The following GPR21 variants were observed in gnomAD, a reference collection of about 807,000 sequenced individuals.
The protein encoded by GPR21 is G protein-coupled receptor 21, also known as probable G protein-coupled receptor 21.
GPR21 carries 9 observed loss-of-function variants against 21.5 expected under a neutral mutation model. The ratio of observed to expected loss-of-function variants is 0.42; its 90% CI spans 0.25 to 0.73. GPR21 has a LOEUF of 0.73. GPR21 is among the 30% of genes least tolerant of loss of function. The pLI is 0.27. For synonymous variants in GPR21, 169 were observed against 159.3 expected (o/e 1.06, Z -0.46); for missense variants, 416 against 428.9 (o/e 0.97, Z 0.27).
At chr9:123,043,734 A>G in the GPR21 span, among the ~76,000 whole-genome samples, 2 of 152,060 alleles carry the variant, frequency 1.3e-5, no homozygotes, top group African/African-American at 4.8e-5. Context: ...CCCAGAAAAT[A>G]GCAACTTAAG....
At position 123,034,923 on chromosome 9, in the gene GPR21, T is replaced by C; in HGVS notation, c.357T>C (p.Ser119=). The C allele has an allele frequency of 6.2e-7, 1 of 1,613,382 alleles. No individual in the cohort carries two copies. The highest frequency in any genetic ancestry group is 8.5e-7 in the Non-Finnish European group (1 of 1,179,324). Reference sequence around the variant, plus strand: ...TTCTGAAGAGCGTCTCCATGGCTTCTCTGGCCTGTATCAGCATTGATAGAT... The same window carrying C: ...TTCTGAAGAGCGTCTCCATGGCTTCCCTGGCCTGTATCAGCATTGATAGAT... ...VSVLKSVSMA[S]LACISIDRYI... is the part of the protein sequence containing the mutation. The change falls in exon 2 of 2, where the codon TCT becomes TCC. Residue 119 remains serine, a synonymous_variant. Transcript: ENST00000616002.
rs1449238478 is a variant in GPR21, at chr9:123,034,460, A to G, written c.-107A>G. 2 of 710,532 alleles carry G rather than the reference A, an allele frequency of 2.8e-6. No individual in the cohort carries two copies. Among genetic ancestry groups the G allele is most frequent in the Non-Finnish European group, 4.9e-6 (2 of 411,812 alleles). The allele number at this position is 710,532 out of a possible 1,614,324, so 44.0% of individuals were successfully genotyped here. A position where few individuals can be genotyped will look rare whatever the true frequency, so the allele number is the denominator to read the frequency against. On this transcript the variant is annotated 5_prime_UTR_variant, in exon 2 of 2. Coordinates refer to ENST00000616002, the MANE Select transcript of GPR21 (RefSeq NM_005294.3). ...GCTTGGGGAGTAAGGCTCCTCTGGC[A>G]TTATTACACACATGCAAAGCTGACC...
chr9:123,042,261 C>G, the GPR21 span, among the ~76,000 whole-genome samples: 3 of 152,238 alleles, frequency 2.0e-5, no homozygotes, highest in Admixed American at 6.5e-5. Flanking sequence ...TAAGGTGATG[C>G]CCATCAATCA....
At chr9:123,044,770 T>C in the GPR21 span, among the ~76,000 whole-genome samples, 7 of 152,210 alleles carry the variant, frequency 4.6e-5, no homozygotes, top group South Asian at 1.4e-3. Context: ...AGGAGGTGCC[T>C]GTTAAATAGA....
the GPR21 span, among the ~76,000 whole-genome samples, chr9:123,047,416 T>G: frequency 2.0e-5 from 3 of 152,184 alleles, no homozygotes; most frequent in African/African-American, 7.2e-5. Context: ...ATTTTAAATA[T>G]GAAAATATAA....
downstream of GPR21, among the ~76,000 whole-genome samples, chr9:123,038,461 G>C (rs748531179): frequency 6.6e-6 from 1 of 152,184 alleles, no homozygotes; most frequent in Non-Finnish European, 1.5e-5. Context: ...TGGTGGAGTG[G>C]TTTCTAGGAG....
At chr9:123,041,841 A>G in the GPR21 span, among the ~76,000 whole-genome samples, 33 of 152,340 alleles carry the variant, frequency 2.2e-4, 1 homozygote, top group Non-Finnish European at 3.7e-4. Flanking sequence ...AGACTAAAAA[A>G]CAAGAATTGA....
At chr9:123,046,328 A>C in the GPR21 span, among the ~76,000 whole-genome samples, 1 of 152,348 alleles carries the variant, frequency 6.6e-6, no homozygotes, top group East Asian at 1.9e-4. Flanking sequence ...CCAAACTTTA[A>C]AAATGAGTTG....
At chr9:123,037,852 A>G (rs184385415), downstream of GPR21, among the ~76,000 whole-genome samples, 1 of 152,238 alleles carries the variant, frequency 6.6e-6, no homozygotes, top group East Asian at 1.9e-4. Flanking sequence ...TCATCCTGGC[A>G]TATTTAATGC....
At chr9:123,041,062 A>T in the GPR21 span, among the ~76,000 whole-genome samples, 1 of 152,212 alleles carries the variant, frequency 6.6e-6, no homozygotes, top group Non-Finnish European at 1.5e-5. Context: ...TGGGGTGGGC[A>T]CATGTGTATG....
the GPR21 span, among the ~76,000 whole-genome samples, chr9:123,047,937 T>G: frequency 1.6e-5 from 2 of 122,708 alleles, no homozygotes; most frequent in African/African-American, 6.8e-5. Flanking sequence ...TTTTTTTTTT[T>G]TTTTTTTTTT....
the GPR21 span, among the ~76,000 whole-genome samples, chr9:123,044,094 G>A: frequency 2.6e-5 from 4 of 151,594 alleles, no homozygotes; most frequent in African/African-American, 9.7e-5. Flanking sequence ...TAGTAGAGAC[G>A]GGGTTTCACC....
At chr9:123,037,960 C>G (rs750420972), downstream of GPR21, among the ~76,000 whole-genome samples, 17 of 152,082 alleles carry the variant, frequency 1.1e-4, no homozygotes, top group Non-Finnish European at 2.2e-4. Flanking sequence ...GCTCATTTAA[C>G]TTTATATGGC....
chr9:123,034,573 T>A lies in GPR21; in HGVS notation c.7T>A (p.Ser3Thr), dbSNP rs2032504782. The A allele has an allele frequency of 1.3e-6, 2 of 1,597,100 alleles. No homozygotes were observed. The highest frequency in any genetic ancestry group is 2.7e-5 in the African/African-American group (2 of 74,620). Residue 3 changes from serine (S) to threonine (T), a missense_variant, in exon 2 of 2, where the codon TCC (serine) becomes ACC (threonine). Physicochemically the swap from Ser to Thr is moderately conservative, Grantham distance 58 (BLOSUM62 1). Transcript: ENST00000616002. Reference protein sequence around the residue: MNSTLDGNQSSHP... With the variant: MNTTLDGNQSSHP... ...GATCACTCCTGAGCTCAAGATGAACTCCACCTTGGATGGTAATCAGAGCAG... is the reference window on the plus strand; with the variant it reads ...GATCACTCCTGAGCTCAAGATGAACACCACCTTGGATGGTAATCAGAGCAG...
the GPR21 span, among the ~76,000 whole-genome samples, chr9:123,047,125 G>A: frequency 6.6e-6 from 1 of 152,176 alleles, no homozygotes; most frequent in African/African-American, 2.4e-5. Flanking sequence ...TTCAGAGTTT[G>A]GTTTGTGTTA....
Position 123,034,800 on chromosome 9 carries a change from T to TG in GPR21, c.238dup (p.Val80GlyfsTer47). 1 of 1,613,942 alleles carries TG rather than the reference T, an allele frequency of 6.2e-7. No individual in the cohort carries two copies. The highest frequency in any genetic ancestry group is 8.5e-7 in the Non-Finnish European group (1 of 1,179,830). On this transcript the variant is annotated frameshift_variant, in exon 2 of 2. Transcript: ENST00000616002. LOFTEE classifies it high-confidence loss of function. ...CTATGGCATATGCTGACCTTTTTGTTGGGGTGAGCTGCGTGGTCCCTTCTT... is the reference window on the plus strand; with the variant it reads ...CTATGGCATATGCTGACCTTTTTGTTGGGGGTGAGCTGCGTGGTCCCTTCTT...
chr9:123,042,082 C>T, the GPR21 span, among the ~76,000 whole-genome samples: 2 of 152,180 alleles, frequency 1.3e-5, no homozygotes, highest in Admixed American at 1.3e-4. Context: ...TAAAGGTGTG[C>T]TTTGTTGCAA....
chr9:123,034,766 T>G lies in GPR21; in HGVS notation c.200T>G (p.Phe67Cys). ...PLLNHHTTSY[F>C]IQTMAYADLF... ...TTGAACCATCACACTACAAGTTATT[T>G]TATCCAGACTATGGCATATGCTGAC... The change falls in exon 2 of 2, where the codon TTT (phenylalanine) becomes TGT (cysteine). Residue 67 changes from phenylalanine (F) to cysteine (C), a missense_variant. By Grantham distance (205) the Phe-to-Cys change is radical (BLOSUM62 -2). Transcript: ENST00000616002. 1 of 1,613,972 alleles carries G rather than the reference T, an allele frequency of 6.2e-7. No individual in the cohort carries two copies. Among genetic ancestry groups the G allele is most frequent in the South Asian group, 1.1e-5 (1 of 91,072 alleles).
At chr9:123,044,654 T>C in the GPR21 span, among the ~76,000 whole-genome samples, 1 of 150,594 alleles carries the variant, frequency 6.6e-6, no homozygotes, top group South Asian at 2.1e-4. Flanking sequence ...TGTGTGTGTG[T>C]ATGTGTATGT....
Sources: gnomAD v4.1 joint callset for allele counts (sites outside exome capture counted in the v4.1 genomes callset) on GRCh38, gnomAD v4.1.1 for gene constraint, MANE v1.5 for transcripts, NCBI Gene and HGNC (gene_info 2026-07-23, HGNC 2026-07-21) for gene names.